EIF5B: variants seen among roughly 807,000 people sequenced by gnomAD.
The protein encoded by EIF5B is eIF-5B.
In EIF5B, 47 loss-of-function variants were observed where a neutral mutation model predicts 147.5. The ratio of observed to expected loss-of-function variants is 0.32; its 90% confidence interval spans 0.25 to 0.41. EIF5B has a LOEUF of 0.41. Ranked by LOEUF, EIF5B falls within the 10% of genes least tolerant of loss-of-function variation. The pLI, the probability that EIF5B is intolerant of heterozygous loss-of-function variation, is 1.00. For missense variants in EIF5B, 1,064 were observed against 1,413.2 expected (o/e 0.75, Z 3.96); for synonymous variants, 455 against 456.2 (o/e 1.00, Z 0.03).
intron 1 of EIF5B, among the ~76,000 whole-genome samples, chr2:99,357,765 C>T (rs566498900): frequency 5.3e-5 from 8 of 152,112 alleles, no homozygotes; most frequent in Non-Finnish European, 1.0e-4. Context: ...GAAATGTTGC[C>T]AGAGATGCCT....
At chr2:99,397,503 GTCCCTGTTGTTT>G (rs1198099899) in intron 22 of EIF5B, 1 of 152,150 alleles carries the variant, frequency 6.6e-6, no homozygotes, top group Non-Finnish European at 1.5e-5. Flanking sequence ...TTTTTGAAGT[GTCCCTGTTGTTT>G]TGCAAATCCC....
intron 1 of EIF5B, among the ~76,000 whole-genome samples, chr2:99,340,447 A>G (rs2094257076): frequency 6.6e-6 from 1 of 152,140 alleles, no homozygotes; most frequent in Admixed American, 6.5e-5. Flanking sequence ...CTCCTTGGCT[A>G]TGTCAGGCAT....
intron 1 of EIF5B, among the ~76,000 whole-genome samples, chr2:99,347,505 G>GT (rs939152579): frequency 0.016 from 2,258 of 141,594 alleles, 12 homozygotes; most frequent in Middle Eastern, 0.026. Context: ...GCATTTTTCA[G>GT]TTTTTTTTTT....
intron 1 of EIF5B, among the ~76,000 whole-genome samples, chr2:99,348,100 C>G (rs1165683099): frequency 6.6e-6 from 1 of 152,014 alleles, no homozygotes; most frequent in Admixed American, 6.6e-5. Flanking sequence ...GGGGCGTCTA[C>G]AAGATTTGTA....
chr2:99,394,650 TAAA>T (rs1675006974), intron 20 of EIF5B, 65 bp downstream of exon 20: 1 of 1,611,086 alleles, frequency 6.2e-7, no homozygotes, highest in African/African-American at 1.3e-5. Context: ...TGTCCTATCT[TAAA>T]AAACTGTCCT....
chr2:99,337,776 G>T (rs797001100), intron 1 of EIF5B, among the ~76,000 whole-genome samples, 187 bp downstream of exon 1: 3 of 151,880 alleles, frequency 2.0e-5, no homozygotes, highest in African/African-American at 7.2e-5. Context: ...GGCCTCGACG[G>T]CGGGCGGGTC....
chr2:99,345,421 C>T (rs371892325), intron 1 of EIF5B, among the ~76,000 whole-genome samples: 4 of 151,908 alleles, frequency 2.6e-5, no homozygotes, highest in Non-Finnish European at 4.4e-5. Flanking sequence ...AGCAAAACCC[C>T]GTCTCTACTA....
At chr2:99,369,674 T>G (rs1273837811) in intron 8 of EIF5B, among the ~76,000 whole-genome samples, 193 bp downstream of exon 8, 4 of 152,218 alleles carry the variant, frequency 2.6e-5, no homozygotes, top group Non-Finnish European at 5.9e-5. Flanking sequence ...CAAGTGAGAC[T>G]TGAATCAGTT....
At chr2:99,375,868 A>G (rs1163090439) in intron 9 of EIF5B, among the ~76,000 whole-genome samples, 10 of 152,224 alleles carry the variant, frequency 6.6e-5, no homozygotes. Context: ...CCACTACGTG[A>G]CGCTCAAAGG....
In EIF5B at chr2:99,337,473, G is replaced by C; in HGVS notation, c.-82G>C. On this transcript the variant is annotated 5_prime_UTR_variant, in exon 1 of 24. Transcript: ENST00000289371. ...CAGCACGAGGGGAAAAGAGCTGAGC[G>C]GAGACCAAAGTCAGCCGGGAGACAG... is the stretch of plus-strand genomic sequence containing the variant. 1.7e-5 allele frequency: 27 copies of C among 1,551,228 alleles called. No homozygotes were observed. Among genetic ancestry groups the C allele is most frequent in the Non-Finnish European group, 2.4e-5 (27 of 1,141,418 alleles).
intron 14 of EIF5B, among the ~76,000 whole-genome samples, chr2:99,386,724 GGT>G (rs199928974): frequency 1.4e-5 from 2 of 144,422 alleles, no homozygotes; most frequent in Admixed American, 6.8e-5. Context: ...GCGGGGGGGC[GGT>G]GTGTGTGTGT....
chr2:99,357,978 C>G (rs1019224381), intron 1 of EIF5B, among the ~76,000 whole-genome samples: 3 of 152,130 alleles, frequency 2.0e-5, no homozygotes, highest in African/African-American at 7.2e-5. Context: ...CTCATTGTTT[C>G]TCATTACAGT....
intron 1 of EIF5B, among the ~76,000 whole-genome samples, chr2:99,350,863 T>C (rs551313243): frequency 6.6e-5 from 10 of 152,354 alleles, no homozygotes; most frequent in Admixed American, 1.3e-4. Context: ...GTAGTTCATT[T>C]TGAGTTGATT....
At chr2:99,394,927 A>G (rs774262700) in intron 21 of EIF5B, 44 bp downstream of exon 21, 1 of 1,482,384 alleles carries the variant, frequency 6.7e-7, no homozygotes, top group African/African-American at 1.4e-5. Context: ...GTTAATGAAC[A>G]TGATTGAGAA....
At position 99,401,050 on chromosome 2, in the gene EIF5B, A is replaced by G. The variant is rs1482770454; in HGVS notation, c.*1636A>G. Reference sequence around the variant, plus strand: ...GTAAATAGAATCTATGCTACAGTAAAATAATTAACACAATTATTTACATGC... The same window carrying G: ...GTAAATAGAATCTATGCTACAGTAAGATAATTAACACAATTATTTACATGC... On this transcript the variant is annotated 3_prime_UTR_variant, in exon 24 of 24. Coordinates refer to ENST00000289371, the MANE Select transcript of EIF5B (RefSeq NM_015904.4). The G allele has an allele frequency of 2.4e-6, 1 of 413,248 alleles. No homozygotes were observed. The highest frequency in any genetic ancestry group is 3.7e-5 in the East Asian group (1 of 26,886). 25.6% of individuals were successfully genotyped at this position (413,248 alleles called of 1,614,324 possible). A position where few individuals can be genotyped will look rare whatever the true frequency, so the allele number is the denominator to read the frequency against.
intron 14 of EIF5B, 94 bp downstream of exon 14, chr2:99,383,015 T>A: frequency 7.6e-7 from 1 of 1,318,894 alleles, no homozygotes; most frequent in Non-Finnish European, 1.0e-6. Context: ...CAAGCATAGC[T>A]CATTTTATTG....
chr2:99,376,403 G>A lies in EIF5B; in HGVS notation c.1609G>A (p.Glu537Lys). The change falls in exon 10 of 24, where the codon GAG (glutamate) becomes AAG (lysine). Residue 537 changes from glutamate (E) to lysine (K), a missense_variant. By Grantham distance (56) the Glu-to-Lys change is moderately conservative. This residue lies in a region of EIF5B where 195 missense variants were observed against 186.3 expected (regional missense o/e 1.05). Transcript: ENST00000289371. ...VKENPEEEEEEEEEEEEDEES... is the reference protein window; with the variant it reads ...VKENPEEEEEKEEEEEEDEES... ...AGAAAACCCTGAAGAGGAGGAGGAG[G>A]AGGAAGAAGAGGAAGAAGAAGATGA... 6.5e-7 allele frequency: 1 copy of A among 1,546,528 alleles called. No homozygotes were observed. Among genetic ancestry groups the A allele is most frequent in the Non-Finnish European group, 8.9e-7 (1 of 1,125,656 alleles).
intron 1 of EIF5B, among the ~76,000 whole-genome samples, chr2:99,351,143 A>G (rs544984965): frequency 2.0e-5 from 3 of 152,294 alleles, no homozygotes; most frequent in Admixed American, 2.0e-4. Flanking sequence ...TTCATGTTTT[A>G]TTTTTGGTCA....
At position 99,382,807 on chromosome 2, in the gene EIF5B, T is replaced by A. The variant is rs747571604; in HGVS notation, c.2157T>A (p.Leu719=). 6.2e-7 allele frequency: 1 copy of A among 1,611,152 alleles called. No individual in the cohort carries two copies. The highest frequency in any genetic ancestry group is 8.5e-7 in the Non-Finnish European group (1 of 1,179,270). The change falls in exon 14 of 24, where the codon CTT becomes CTA. Residue 719 remains leucine, a synonymous_variant. Transcript: ENST00000289371. The stretch of plus-strand genomic sequence containing the variant: ...ATCTGAGAAATAGAGGAAGCTCTCT[T>A]TGTGACATTGCCATTTTAGTTGTTG... The part of the protein sequence containing the change: ...FSNLRNRGSS[L]CDIAILVVDI...
Sources: allele counts gnomAD v4.1 joint callset (sites outside exome capture counted in the v4.1 genomes callset), GRCh38; gene constraint gnomAD v4.1.1; regional missense constraint gnomAD v4.1.1; transcripts MANE v1.5; gene names NCBI Gene and HGNC (gene_info 2026-07-23, HGNC 2026-07-21).